Variants in TMTC1 observed in about 807,000 individuals in gnomAD.
TMTC1 encodes transmembrane O-mannosyltransferase targeting cadherins 1, also known as protein O-mannosyl-transferase TMTC1.
Under a neutral mutation model 104.8 loss-of-function variants are expected in TMTC1, and 73 were observed. That is an observed-to-expected ratio of 0.70 (90% CI 0.58 to 0.85). TMTC1 has a LOEUF of 0.85. Ranked by LOEUF, TMTC1 falls within the 40% of genes least tolerant of loss-of-function variation. The pLI, the probability that TMTC1 is intolerant of heterozygous loss-of-function variation, is 0.00. For missense variants in TMTC1, 1,035 were observed against 1,096.1 expected (o/e 0.94, Z 0.79); for synonymous variants, 434 against 428.7 (o/e 1.01, Z -0.15).
intron 7 of TMTC1, among the ~76,000 whole-genome samples, chr12:29,592,382 C>T (rs1358124807): frequency 6.6e-6 from 1 of 152,148 alleles, no homozygotes; most frequent in Non-Finnish European, 1.5e-5. Context: ...TCCCCAAAGA[C>T]ATTTCTGTGT....
intron 5 of TMTC1, among the ~76,000 whole-genome samples, chr12:29,697,951 TG>T (rs1013918029): frequency 6.6e-6 from 1 of 152,160 alleles, no homozygotes; most frequent in African/African-American, 2.4e-5. Context: ...AGGCACCCGG[TG>T]GTCTAGCCAA....
chr12:29,763,177 G>C (rs1173220097), intron 2 of TMTC1, among the ~76,000 whole-genome samples: 1 of 152,224 alleles, frequency 6.6e-6, no homozygotes, highest in Non-Finnish European at 1.5e-5. Flanking sequence ...AGAGACAACA[G>C]CAGACTGTGC....
chr12:29,776,307 C>A (rs1369158930), intron 1 of TMTC1, among the ~76,000 whole-genome samples: 12 of 152,184 alleles, frequency 7.9e-5, no homozygotes, highest in Admixed American at 6.5e-4. Context: ...CCAGCAAGTT[C>A]CAATAGAAAT....
At chr12:29,517,598 A>T in intron 13 of TMTC1, 27 bp from the exon 14 acceptor site, 1 of 1,613,630 alleles carries the variant, frequency 6.2e-7, no homozygotes, top group Middle Eastern at 1.7e-4. Context: ...TCTAAATGAC[A>T]TTTCTCTTCT....
At chr12:29,745,585 T>C (rs302327) in intron 5 of TMTC1, among the ~76,000 whole-genome samples, 70,309 of 139,426 alleles carry the variant, frequency 0.5, 17,522 homozygotes, top group East Asian at 0.66. Context: ...AACATCACTG[T>C]ACTCCAGCCT....
chr12:29,590,825 A>G (rs1946263102), intron 7 of TMTC1, among the ~76,000 whole-genome samples: 1 of 151,932 alleles, frequency 6.6e-6, no homozygotes, highest in South Asian at 2.1e-4. Context: ...ACTAAACAAA[A>G]CCCACTTGTA....
chr12:29,615,848 G>A (rs1205525811), intron 6 of TMTC1, among the ~76,000 whole-genome samples: 1 of 152,126 alleles, frequency 6.6e-6, no homozygotes, highest in Non-Finnish European at 1.5e-5. Context: ...TGCTGTGGTG[G>A]CGGTTGTTTT....
At position 29,761,655 on chromosome 12, in the gene TMTC1, G is replaced by T. The variant is rs189210254; in HGVS notation, c.481-2878C>A. ...TATAGCTTTTTAAAAATGCTCCAAA[G>T]AACAGGTACCATAAGAGCTGAATGA... On this transcript the variant is annotated intron_variant, in intron 2 of 17. Coordinates refer to ENST00000539277, the MANE Select transcript of TMTC1 (RefSeq NM_001193451.2). Among the ~76,000 whole-genome samples, 546 of 151,162 alleles carry T rather than the reference G, an allele frequency of 3.6e-3. 1 individual carries two copies. Among genetic ancestry groups the T allele is most frequent in the Non-Finnish European group, 5.6e-3 (383 of 67,834 alleles).
intron 5 of TMTC1, among the ~76,000 whole-genome samples, chr12:29,681,743 A>AAT (rs1565765041): frequency 6.6e-6 from 1 of 151,508 alleles, no homozygotes; most frequent in Non-Finnish European, 1.5e-5. Flanking sequence ...TCTACAGATT[A>AAT]ATAGAGACTT....
intron 6 of TMTC1, among the ~76,000 whole-genome samples, chr12:29,605,442 T>C (rs149765248): frequency 1.3e-3 from 199 of 151,914 alleles, no homozygotes; most frequent in African/African-American, 4.5e-3. Context: ...ACAGTTGCCC[T>C]TAAATAATTA....
chr12:29,587,623 C>A (rs897386476), intron 7 of TMTC1, among the ~76,000 whole-genome samples: 1 of 152,126 alleles, frequency 6.6e-6, no homozygotes, highest in African/African-American at 2.4e-5. Context: ...TGATTCTTCC[C>A]AAAATTGATA....
At chr12:29,759,063 T>C (rs1943282133) in intron 2 of TMTC1, among the ~76,000 whole-genome samples, 1 of 152,232 alleles carries the variant, frequency 6.6e-6, no homozygotes, top group Non-Finnish European at 1.5e-5. Context: ...CAAAATTTAT[T>C]CATGTATTAA....
chr12:29,650,507 C>A (rs189501663), intron 5 of TMTC1, among the ~76,000 whole-genome samples: 1 of 152,188 alleles, frequency 6.6e-6, no homozygotes, highest in Non-Finnish European at 1.5e-5. Context: ...GGTTCTCACA[C>A]TGCAAAATCA....
chr12:29,582,967 A>G (rs555080905), intron 8 of TMTC1, among the ~76,000 whole-genome samples: 1 of 152,340 alleles, frequency 6.6e-6, no homozygotes, highest in African/African-American at 2.4e-5. Flanking sequence ...TTCAAAATTA[A>G]TGTTCAAAAT....
At chr12:29,581,468 TTG>T (rs1491269057) in intron 8 of TMTC1, among the ~76,000 whole-genome samples, 1 of 152,210 alleles carries the variant, frequency 6.6e-6, no homozygotes, top group African/African-American at 2.4e-5. Flanking sequence ...TGTGGAATGG[TTG>T]TGTTTTAGAA....
At chr12:29,784,051 C>CCCGCACAG (rs1943903532), upstream of TMTC1, among the ~76,000 whole-genome samples, 2 of 151,808 alleles carry the variant, frequency 1.3e-5, no homozygotes, top group African/African-American at 4.8e-5. Context: ...GGCCGGTTCC[C>CCCGCACAG]CCGCACAGCC....
At chr12:29,663,349 T>A (rs1289675360) in intron 5 of TMTC1, among the ~76,000 whole-genome samples, 1 of 152,060 alleles carries the variant, frequency 6.6e-6, no homozygotes, top group African/African-American at 2.4e-5. Context: ...GCTGGAGAAG[T>A]AATACATCTG....
At chr12:29,600,008 ATTT>A (rs1555174499) in intron 7 of TMTC1, among the ~76,000 whole-genome samples, 1 of 118,684 alleles carries the variant, frequency 8.4e-6, no homozygotes, top group Non-Finnish European at 1.6e-5. Flanking sequence ...ATATATATAT[ATTT>A]TTTTTTTTTT....
Position 29,592,304 on chromosome 12 carries a change from T to C in TMTC1, c.1251-8730A>G, listed in dbSNP as rs77866724. On this transcript the variant is annotated intron_variant, in intron 7 of 17. Transcript: ENST00000539277. Reference sequence around the variant, plus strand: ...GTTTTTTATCTCAAACATTCAATGGTTGGAGAAATTTTCCAGAAGAATGAA... The same window carrying C: ...GTTTTTTATCTCAAACATTCAATGGCTGGAGAAATTTTCCAGAAGAATGAA... Among the ~76,000 whole-genome samples, 95 of 152,310 alleles carry C rather than the reference T, an allele frequency of 6.2e-4. No individual in the cohort carries two copies. The East Asian group carries it at 0.016, about 26-fold the overall frequency.
Sources: gnomAD v4.1 joint callset for allele counts (sites outside exome capture counted in the v4.1 genomes callset) on GRCh38, gnomAD v4.1.1 for gene constraint, MANE v1.5 for transcripts, NCBI Gene and HGNC (gene_info 2026-07-23, HGNC 2026-07-21) for gene names.